B4GALNT3: variants seen among roughly 807,000 people sequenced by gnomAD.
B4GALNT3 encodes the protein beta-1,4-N-acetyl-galactosaminyltransferase 3.
In B4GALNT3, 86 loss-of-function variants were observed where a neutral mutation model predicts 120.2. That is an observed-to-expected ratio of 0.72 (90% CI 0.60 to 0.86). The LOEUF is 0.86. Ranked by LOEUF, B4GALNT3 falls within the 40% of genes least tolerant of loss-of-function variation. The probability of loss-of-function intolerance (pLI) is 0.00; values close to 1 mark genes in which losing one functional copy is unlikely to be tolerated. For synonymous variants in B4GALNT3, 518 were observed against 510.4 expected (o/e 1.01, Z -0.20); for missense variants, 1,167 against 1,298.9 (o/e 0.90, Z 1.56).
At chr12:495,059 T>C (rs985113278) in intron 1 of B4GALNT3, among the ~76,000 whole-genome samples, 2 of 152,244 alleles carry the variant, frequency 1.3e-5, no homozygotes, top group Non-Finnish European at 1.5e-5. Flanking sequence ...TGGACCACTT[T>C]CTGTGTTCCT....
At chr12:557,842 C>T in intron 16 of B4GALNT3, 81 bp downstream of exon 16, 1 of 1,519,150 alleles carries the variant, frequency 6.6e-7, no homozygotes, top group Non-Finnish European at 8.9e-7. Flanking sequence ...AGGGTAGAGC[C>T]AGGAGTCCTG....
rs376688273 is a variant in B4GALNT3 at position 498,931 on chromosome 12, T to C, written c.170-36235T>C. ...CCTACCCTGGAAAGAATCTTCATGA[T>C]GGTGTCAGCTGGACAGTAGAATTGG... On this transcript the variant is annotated intron_variant, in intron 1 of 19. Coordinates refer to ENST00000266383, the MANE Select transcript of B4GALNT3 (RefSeq NM_173593.4). 1.5e-4 allele frequency among the ~76,000 whole-genome samples: 23 copies of C among 152,246 alleles called. 7 individuals are homozygous for C. Among genetic ancestry groups the C allele is most frequent in the Admixed American group, 2.0e-4 (3 of 15,302 alleles).
At position 561,800 on chromosome 12, in the gene B4GALNT3, G is replaced by C. The variant is rs1033061936; in HGVS notation, c.*349G>C. 9.1e-6 allele frequency: 2 copies of C among 220,086 alleles called. No individual in the cohort carries two copies. Among genetic ancestry groups the C allele is most frequent in the African/African-American group, 4.6e-5 (2 of 43,674 alleles). 13.6% of individuals were successfully genotyped at this position (220,086 alleles called of 1,614,324 possible). A position where few individuals can be genotyped will look rare whatever the true frequency, so the allele number is the denominator to read the frequency against. ...AGGTGCACGCCCACATCCCCCAAGC[G>C]CTCCTCACGCCAAGCGCTGACCACC... On this transcript the variant is annotated 3_prime_UTR_variant, in exon 20 of 20. Coordinates refer to ENST00000266383, the MANE Select transcript of B4GALNT3 (RefSeq NM_173593.4).
chr12:556,821 G>C lies in B4GALNT3; in HGVS notation c.2335G>C (p.Gly779Arg), dbSNP rs756433088. The change falls in exon 15 of 20, where the codon GGT becomes CGT. Residue 779 changes from glycine to arginine, a missense_variant. By Grantham distance (125) the Gly-to-Arg change is moderately radical (BLOSUM62 -2). This residue lies in a region of B4GALNT3 where 983 missense variants were observed against 1,102.5 expected (regional missense o/e 0.89). Coordinates refer to ENST00000266383, the MANE Select transcript of B4GALNT3 (RefSeq NM_173593.4). The stretch of plus-strand genomic sequence containing the variant: ...AGAGCCCAAGCTGTGCTGGCCTCAG[G>C]GTTTCTCCTGGAGTCACCGAGCCGT... ...AQEPKLCWPQ[G>R]FSWSHRAVVH... 1.2e-6 allele frequency: 2 copies of C among 1,613,368 alleles called. No homozygotes were observed. Among genetic ancestry groups the C allele is most frequent in the Admixed American group, 3.3e-5 (2 of 60,012 alleles).
chr12:553,613 C>T lies in B4GALNT3; in HGVS notation c.1690C>T (p.Gln564Ter). 6.2e-7 allele frequency: 1 copy of T among 1,614,014 alleles called. No homozygotes were observed. Residue 564 changes from glutamine to a stop codon, truncating the protein, a stop_gained, in exon 14 of 20, where the codon CAG becomes TAG. Coordinates refer to ENST00000266383, the MANE Select transcript of B4GALNT3 (RefSeq NM_173593.4). LOFTEE classifies it high-confidence loss of function. ...CCCCAGGAAGACTCAGTGGCTGAACCAGGTGGAGTCGTACATCGCAGAGCA... is the reference window on the plus strand; with the variant it reads ...CCCCAGGAAGACTCAGTGGCTGAACTAGGTGGAGTCGTACATCGCAGAGCA... ...DSPRKTQWLNQVESYIAEQRR... is the reference protein window; with the variant it reads ...DSPRKTQWLN
chr12:486,863 G>C (rs1035433142), intron 1 of B4GALNT3, among the ~76,000 whole-genome samples: 1 of 152,112 alleles, frequency 6.6e-6, no homozygotes, highest in African/African-American at 2.4e-5. Context: ...AACCAGAGTA[G>C]GTATGGAAGA....
Position 556,689 on chromosome 12 carries a change from C to G in B4GALNT3, c.2203C>G (p.Gln735Glu), listed in dbSNP as rs368954077. 1.9e-4 allele frequency: 309 copies of G among 1,613,826 alleles called. 1 individual carries two copies. The highest frequency in any genetic ancestry group is 2.5e-4 in the Non-Finnish European group (295 of 1,180,030). The stretch of plus-strand genomic sequence containing the variant: ...GGAGTATGTGTCTGCACGAGGCTGG[C>G]AGGGCATCGATCCAGCTGGTGGGGA... ...LSEYVSARGW[Q>E]GIDPAGGEEV... is the part of the protein sequence containing the mutation. The change falls in exon 15 of 20, where the codon CAG becomes GAG. Residue 735 changes from glutamine to glutamate, a missense_variant. This residue lies in a region of B4GALNT3 where 983 missense variants were observed against 1,102.5 expected (regional missense o/e 0.89). Coordinates refer to ENST00000266383, the MANE Select transcript of B4GALNT3 (RefSeq NM_173593.4).
chr12:511,693 G>T (rs994633928), intron 1 of B4GALNT3, among the ~76,000 whole-genome samples: 1 of 23,058 alleles, frequency 4.3e-5, no homozygotes, highest in Non-Finnish European at 8.0e-5. Context: ...TCCACCTTCT[G>T]TCTTCCACCT....
intron 19 of B4GALNT3, among the ~76,000 whole-genome samples, chr12:560,733 A>G (rs1947219695): frequency 6.6e-6 from 1 of 152,200 alleles, no homozygotes; most frequent in Non-Finnish European, 1.5e-5. Flanking sequence ...TTTTGCTGCC[A>G]TGCACGGCTC....
intron 1 of B4GALNT3, among the ~76,000 whole-genome samples, chr12:491,214 C>T (rs1946336996): frequency 6.6e-6 from 1 of 151,968 alleles, no homozygotes; most frequent in South Asian, 2.1e-4. Context: ...GGTGGTTCAA[C>T]ACTTAAAAAT....
At chr12:504,935 G>A (rs993858048) in intron 1 of B4GALNT3, among the ~76,000 whole-genome samples, 10 of 151,378 alleles carry the variant, frequency 6.6e-5, no homozygotes, top group Non-Finnish European at 1.5e-4. Flanking sequence ...TTGTTGCCCA[G>A]GATGGAGTGC....
In B4GALNT3 at chr12:561,484, G is replaced by T. The variant is rs375911503; in HGVS notation, c.*33G>T. 6.6e-7 allele frequency: 1 copy of T among 1,522,618 alleles called. No individual in the cohort carries two copies. The highest frequency in any genetic ancestry group is 1.7e-5 in the Admixed American group (1 of 57,524). 94.3% of individuals were successfully genotyped at this position (1,522,618 alleles called of 1,614,324 possible). A position where few individuals can be genotyped will look rare whatever the true frequency, so the allele number is the denominator to read the frequency against. ...GTGTCCGCGGGGCCCAGCACTCCCC[G>T]CTCTGGACTAGCAGTGGCTCCCCAG... On this transcript the variant is annotated 3_prime_UTR_variant, in exon 20 of 20. Transcript: ENST00000266383.
intron 1 of B4GALNT3, among the ~76,000 whole-genome samples, chr12:533,294 T>G (rs972760388): frequency 1.3e-5 from 2 of 152,222 alleles, no homozygotes; most frequent in African/African-American, 2.4e-5. Context: ...TCTTTCTCCC[T>G]CACTCCTCAT....
intron 1 of B4GALNT3, among the ~76,000 whole-genome samples, chr12:495,850 G>C (rs1460694449): frequency 6.6e-6 from 1 of 152,134 alleles, no homozygotes; most frequent in African/African-American, 2.4e-5. Context: ...GAGTGCAGCA[G>C]GTGCTCAGCT....
At chr12:509,547 A>G (rs1946527120) in intron 1 of B4GALNT3, among the ~76,000 whole-genome samples, 1 of 152,228 alleles carries the variant, frequency 6.6e-6, no homozygotes, top group Non-Finnish European at 1.5e-5. Flanking sequence ...GACCTAAATC[A>G]GGTCTCTGCT....
intron 3 of B4GALNT3, chr12:543,081 G>A (rs2120685410): frequency 7.9e-7 from 1 of 1,272,770 alleles, no homozygotes; most frequent in African/African-American, 1.5e-5. Flanking sequence ...TGTCCCCGTT[G>A]CCTGGGGAAT....
rs79807403 is a variant in B4GALNT3, at chr12:479,758, A to T, written c.169+19213A>T. 6.3e-3 allele frequency among the ~76,000 whole-genome samples: 952 copies of T among 152,040 alleles called. 9 individuals are homozygous for T. Among genetic ancestry groups the T allele is most frequent in the African/African-American group, 0.021 (883 of 41,428 alleles). ...TAGAATCATAGAGTATTTAGGCTGG[A>T]GGGGAACACCGTGTCCAACTGAGGC... On this transcript the variant is annotated intron_variant, in intron 1 of 19. Coordinates refer to ENST00000266383, the MANE Select transcript of B4GALNT3 (RefSeq NM_173593.4).
chr12:498,874 CCAG>C (rs1211211499), intron 1 of B4GALNT3, among the ~76,000 whole-genome samples: 4 of 152,210 alleles, frequency 2.6e-5, no homozygotes, highest in African/African-American at 9.6e-5. Context: ...GCGTCCAAAG[CCAG>C]CAGACTGTGG....
chr12:526,609 GTGTT>G (rs1946761296), intron 1 of B4GALNT3, among the ~76,000 whole-genome samples: 1 of 152,186 alleles, frequency 6.6e-6, no homozygotes, highest in Non-Finnish European at 1.5e-5. Flanking sequence ...TCACAGGACT[GTGTT>G]TGTCGCTGTA....
Sources: gnomAD v4.1 joint callset for allele counts (sites outside exome capture counted in the v4.1 genomes callset) on GRCh38, gnomAD v4.1.1 for gene constraint, gnomAD v4.1.1 regional missense constraint, MANE v1.5 for transcripts, NCBI Gene and HGNC (gene_info 2026-07-23, HGNC 2026-07-21) for gene names.